Variants in CEP41 observed in about 807,000 individuals in gnomAD.
CEP41 encodes centrosomal protein of 41 kDa.
CEP41 carries 32 observed loss-of-function variants against 44.3 expected under a neutral mutation model. The observed-to-expected ratio is 0.72, with a 90% CI of 0.54 to 0.97. CEP41 has a LOEUF of 0.97. Ranked by LOEUF, CEP41 falls within the 50% of genes least tolerant of loss-of-function variation. The pLI is 0.00. For synonymous variants in CEP41, 151 were observed against 168.5 expected (o/e 0.90, Z 0.80); for missense variants, 432 against 455.2 (o/e 0.95, Z 0.46).
At chr7:130,430,169 A>T (rs1391174400) in intron 1 of CEP41, among the ~76,000 whole-genome samples, 4 of 152,182 alleles carry the variant, frequency 2.6e-5, no homozygotes, top group Non-Finnish European at 5.9e-5. Context: ...GGATTTCAGG[A>T]CCAGGGAGAA....
intron 2 of CEP41, chr7:130,419,080 G>A: frequency 2.0e-6 from 2 of 985,240 alleles, no homozygotes; most frequent in South Asian, 4.7e-5. Flanking sequence ...ACTTTATTTT[G>A]TATCAGCTGA....
rs781951836 is a variant in CEP41 at position 130,440,961 on chromosome 7, G to T, written c.6C>A (p.Ser2=). 5 of 1,612,740 alleles carry T rather than the reference G, an allele frequency of 3.1e-6. No individual in the cohort carries two copies. The highest frequency in any genetic ancestry group is 4.2e-6 in the Non-Finnish European group (5 of 1,180,004). ...CAGGGTTCCCAATGTGCCTCCGGAG[G>T]GACATATTTTCTCCAACCGACCACG... M[S]LRRHIGNPEY... Residue 2 remains serine, a synonymous_variant, in exon 1 of 11, where the codon TCC becomes TCA. Coordinates refer to ENST00000223208, the MANE Select transcript of CEP41 (RefSeq NM_018718.3).
chr7:130,440,687 C>A, intron 1 of CEP41: 1 of 604,296 alleles, frequency 1.7e-6, no homozygotes, highest in Non-Finnish European at 2.9e-6. Context: ...TTGGGTACTT[C>A]GCTCCTCGCA....
intron 2 of CEP41, among the ~76,000 whole-genome samples, chr7:130,418,086 G>GTTTTC (rs782260701): frequency 3.0e-4 from 45 of 152,184 alleles, no homozygotes; most frequent in South Asian, 8.3e-4. Flanking sequence ...ATCCACCATT[G>GTTTTC]TTTTCTTTTC....
intron 2 of CEP41, among the ~76,000 whole-genome samples, chr7:130,425,917 C>G (rs1345867206): frequency 1.3e-5 from 2 of 152,168 alleles, no homozygotes; most frequent in East Asian, 3.9e-4. Flanking sequence ...CTGTATGATT[C>G]CATTTATACA....
intron 5 of CEP41, among the ~76,000 whole-genome samples, chr7:130,405,930 C>G (rs547311209): frequency 6.6e-6 from 1 of 152,274 alleles, no homozygotes; most frequent in East Asian, 1.9e-4. Context: ...ACGACAGACA[C>G]CGCAGAAGCA....
rs369884649 is a variant in CEP41 at position 130,441,006 on chromosome 7, G to C, written c.-40C>G. ...ACCACGTTCGGGGTTCTAGCCTCAC[G>C]GGTTGCCTCTAACCCTAGCTTCCTA... is the stretch of plus-strand genomic sequence containing the variant. On this transcript the variant is annotated 5_prime_UTR_variant, in exon 1 of 11. Transcript: ENST00000223208. 143 of 1,608,818 alleles carry C rather than the reference G, an allele frequency of 8.9e-5. No homozygotes were observed. Among genetic ancestry groups the C allele is most frequent in the Non-Finnish European group, 1.2e-4 (137 of 1,177,608 alleles).
At chr7:130,416,721 G>C (rs980601239) in intron 3 of CEP41, among the ~76,000 whole-genome samples, 198 bp downstream of exon 3, 6 of 152,166 alleles carry the variant, frequency 3.9e-5, no homozygotes, top group Non-Finnish European at 7.3e-5. Context: ...CAGAATTTAG[G>C]CCTACAGGCC....
intron 2 of CEP41, chr7:130,420,263 G>A (rs1441306199): frequency 6.3e-6 from 1 of 157,528 alleles, no homozygotes; most frequent in East Asian, 2.0e-4. Flanking sequence ...CCAGGAAGGG[G>A]AGGTTGCAGT....
At chr7:130,437,284 T>C (rs1268796141) in intron 1 of CEP41, among the ~76,000 whole-genome samples, 1 of 151,878 alleles carries the variant, frequency 6.6e-6, no homozygotes, top group Admixed American at 6.6e-5. Context: ...TAAGAAAATT[T>C]TCAGACTAAA....
rs1554416442 is a variant in CEP41, at chr7:130,400,043, A to G, written c.969T>C (p.His323=). ...TTAAAGGTCAAAAGATCTTACTAGG[A>G]TGATCTGCAGGCCCTTGCTCCTCTT... ...YLEEEQGPAD[H]PSRLNQANSS... Residue 323 remains histidine (H), a synonymous_variant, in exon 10 of 11, where the codon CAT becomes CAC. Coordinates refer to ENST00000223208, the MANE Select transcript of CEP41 (RefSeq NM_018718.3). The G allele has an allele frequency of 6.3e-7, 1 of 1,594,552 alleles. No homozygotes were observed. Among genetic ancestry groups the G allele is most frequent in the South Asian group, 1.1e-5 (1 of 90,594 alleles).
At position 130,432,443 on chromosome 7, in the gene CEP41, C is replaced by T. The variant is rs188125987; in HGVS notation, c.34-4425G>A. ...TTGGAGTGTGCTGAGTATGAGATAT[C>T]TGTGGGTTGTCTAAAATGGAACTAT... On this transcript the variant is annotated intron_variant, in intron 1 of 10. Coordinates refer to ENST00000223208, the MANE Select transcript of CEP41 (RefSeq NM_018718.3). 5.3e-5 allele frequency among the ~76,000 whole-genome samples: 8 copies of T among 152,024 alleles called. No individual in the cohort carries two copies. The East Asian group carries it at 1.5e-3, about 29-fold the overall frequency.
chr7:130,428,316 C>T (rs909932460), intron 1 of CEP41, among the ~76,000 whole-genome samples: 21 of 148,228 alleles, frequency 1.4e-4, no homozygotes, highest in Admixed American at 8.9e-4. Flanking sequence ...CCCAGCTACT[C>T]GGGAGGCCGA....
rs1796643662 is a variant in CEP41, at chr7:130,395,910, T to C, written c.*2981A>G. 4.5e-6 allele frequency: 2 copies of C among 443,966 alleles called. No homozygotes were observed. The highest frequency in any genetic ancestry group is 8.9e-6 in the Non-Finnish European group (2 of 224,446). 27.5% of individuals were successfully genotyped at this position (443,966 alleles called of 1,614,324 possible). A position where few individuals can be genotyped will look rare whatever the true frequency, so the allele number is the denominator to read the frequency against. On this transcript the variant is annotated 3_prime_UTR_variant, in exon 11 of 11. Transcript: ENST00000223208. ...AAAAAAAAAAAGATAAAAGATAAAA[T>C]GAATGCAGGCCATTTAAATCATTCC... is the stretch of plus-strand genomic sequence containing the variant.
chr7:130,401,437 G>A (rs1482297710), intron 8 of CEP41, among the ~76,000 whole-genome samples: 4 of 150,266 alleles, frequency 2.7e-5, no homozygotes, highest in African/African-American at 9.9e-5. Context: ...TACTAATAAT[G>A]TAATAGAAGC....
At chr7:130,429,331 T>C (rs1797759246) in intron 1 of CEP41, among the ~76,000 whole-genome samples, 1 of 148,098 alleles carries the variant, frequency 6.8e-6, no homozygotes, top group Admixed American at 6.6e-5. Context: ...CAAAAATGCA[T>C]ATGTCAGGTC....
chr7:130,429,872 C>T (rs1395955270), intron 1 of CEP41, among the ~76,000 whole-genome samples: 2 of 152,172 alleles, frequency 1.3e-5, no homozygotes, highest in African/African-American at 2.4e-5. Flanking sequence ...TGGTTGTATT[C>T]GCCTAGGACC....
At chr7:130,428,076 A>G in intron 1 of CEP41, 58 bp from the exon 2 acceptor site, 1 of 1,165,518 alleles carries the variant, frequency 8.6e-7, no homozygotes, top group Non-Finnish European at 1.3e-6. Context: ...CGATAAGGTA[A>G]AGTCAGGAGT....
intron 1 of CEP41, among the ~76,000 whole-genome samples, chr7:130,436,894 C>G (rs1281040292): frequency 6.6e-6 from 1 of 152,082 alleles, no homozygotes; most frequent in Non-Finnish European, 1.5e-5. Flanking sequence ...AAAAAATTAG[C>G]TGGGCGTGGT....
Sources: gnomAD v4.1 joint callset for allele counts (sites outside exome capture counted in the v4.1 genomes callset) on GRCh38, gnomAD v4.1.1 for gene constraint, MANE v1.5 for transcripts, NCBI Gene and HGNC (gene_info 2026-07-23, HGNC 2026-07-21) for gene names.